Variants in TLN2 observed in about 807,000 individuals in gnomAD.
TLN2 encodes the protein talin-2.
Under a neutral mutation model 294.7 loss-of-function variants are expected in TLN2, and 118 were observed. That is an observed-to-expected ratio of 0.40 (90% CI 0.34 to 0.47). TLN2 has a LOEUF of 0.47. TLN2 is among the 20% of genes least tolerant of loss of function. The probability of loss-of-function intolerance (pLI) is 0.84; values close to 1 mark genes in which losing one functional copy is unlikely to be tolerated. For synonymous variants in TLN2, 1,431 were observed against 1,304.5 expected, an observed-to-expected ratio of 1.10 and a Z score of -2.09; for missense variants, 3,083 against 3,282.2, an observed-to-expected ratio of 0.94 and a Z score of 1.48.
At chr15:62,500,182 A>T (rs1248118328) in intron 1 of TLN2, among the ~76,000 whole-genome samples, 1 of 152,116 alleles carries the variant, frequency 6.6e-6, no homozygotes, top group South Asian at 2.1e-4. Flanking sequence ...ACTAAAAAAT[A>T]CAAAAATTAG....
intron 37 of TLN2, among the ~76,000 whole-genome samples, chr15:62,758,101 T>C (rs1462287191): frequency 1.3e-5 from 2 of 152,186 alleles, no homozygotes; most frequent in Non-Finnish European, 2.9e-5. Context: ...TTTTTTTCTT[T>C]TAACCATGAG....
intron 1 of TLN2, among the ~76,000 whole-genome samples, chr15:62,507,887 C>T (rs1020098720): frequency 6.6e-6 from 1 of 152,154 alleles, no homozygotes; most frequent in Non-Finnish European, 1.5e-5. Context: ...TACCTGAGAA[C>T]GAGATTCATA....
At chr15:62,577,463 C>T (rs887620597) in intron 1 of TLN2, among the ~76,000 whole-genome samples, 1 of 151,582 alleles carries the variant, frequency 6.6e-6, no homozygotes, top group Non-Finnish European at 1.5e-5. Context: ...AACAAAACAA[C>T]AAACAAAAAC....
At position 62,844,124 on chromosome 15, in the gene TLN2, G is replaced by C. The variant is rs1280942638; in HGVS notation, c.*3514G>C. 6.6e-6 allele frequency: 1 copy of C among 152,178 alleles called. No homozygotes were observed. Among genetic ancestry groups the C allele is most frequent in the Non-Finnish European group, 1.5e-5 (1 of 68,106 alleles). The allele number at this position is 152,178 out of a possible 1,614,324, so 9.4% of individuals were successfully genotyped here. A position where few individuals can be genotyped will look rare whatever the true frequency, so the allele number is the denominator to read the frequency against. On this transcript the variant is annotated 3_prime_UTR_variant, in exon 59 of 59. Coordinates refer to ENST00000636159, the MANE Select transcript of TLN2 (RefSeq NM_015059.3). Reference sequence around the variant, plus strand: ...CAGAGTTCAGAAAGCAAAAGATCTTGACAACTGTGCCAGTAGTGGCTCTGG... The same window carrying C: ...CAGAGTTCAGAAAGCAAAAGATCTTCACAACTGTGCCAGTAGTGGCTCTGG...
chr15:62,657,746 G>T (rs770082045), intron 8 of TLN2, 25 bp from the exon 9 acceptor site: 11 of 1,609,436 alleles, frequency 6.8e-6, no homozygotes, highest in Non-Finnish European at 9.3e-6. Flanking sequence ...AGCCTCTGAT[G>T]CTTTTCCTTC....
intron 54 of TLN2, chr15:62,830,085 T>A (rs537738303): frequency 2.6e-5 from 4 of 152,330 alleles, no homozygotes; most frequent in African/African-American, 9.6e-5. Flanking sequence ...AATAGCCACA[T>A]GCACAGGATT....
chr15:62,496,770 G>A (rs545752649), intron 1 of TLN2, among the ~76,000 whole-genome samples: 23 of 152,276 alleles, frequency 1.5e-4, no homozygotes, highest in Admixed American at 7.2e-4. Context: ...AATGTGAATC[G>A]TCTCTGTTAT....
intron 1 of TLN2, among the ~76,000 whole-genome samples, chr15:62,421,311 C>T (rs534543251): frequency 1.4e-4 from 22 of 152,284 alleles, no homozygotes; most frequent in South Asian, 4.1e-4. Flanking sequence ...GCTGAGATTA[C>T]AGGCATGAGT....
intron 1 of TLN2, among the ~76,000 whole-genome samples, chr15:62,491,985 C>A (rs34966036): frequency 0.083 from 12,677 of 151,944 alleles, 594 homozygotes; most frequent in Non-Finnish European, 0.095. Flanking sequence ...TTAGTGGGGG[C>A]GTCTTTTTCT....
intron 1 of TLN2, among the ~76,000 whole-genome samples, chr15:62,450,322 C>T: frequency 6.6e-6 from 1 of 152,202 alleles, no homozygotes; most frequent in East Asian, 1.9e-4. Flanking sequence ...AATCCAGAAG[C>T]TGATGGTGTA....
chr15:62,751,318 T>A (rs1249915204), intron 34 of TLN2, among the ~76,000 whole-genome samples: 1 of 152,186 alleles, frequency 6.6e-6, no homozygotes, highest in Non-Finnish European at 1.5e-5. Context: ...CGGGGAAACA[T>A]CTGTGCTGGT....
intron 9 of TLN2, among the ~76,000 whole-genome samples, chr15:62,663,698 A>G (rs1390278446): frequency 6.6e-6 from 1 of 152,034 alleles, no homozygotes; most frequent in African/African-American, 2.4e-5. Context: ...AGTATAATTT[A>G]CCTAGGAAGA....
At chr15:62,540,652 G>A (rs1455774527) in intron 1 of TLN2, among the ~76,000 whole-genome samples, 1 of 152,152 alleles carries the variant, frequency 6.6e-6, no homozygotes, top group Admixed American at 6.5e-5. Context: ...GTCCAGCATA[G>A]TGGGAGTTTT....
chr15:62,793,424 T>C (rs1047933641), intron 46 of TLN2, among the ~76,000 whole-genome samples: 3 of 152,208 alleles, frequency 2.0e-5, no homozygotes, highest in Non-Finnish European at 2.9e-5. Flanking sequence ...CAACTTGATT[T>C]CCTCATCTGT....
rs147618983 is a variant in TLN2 at position 62,810,044 on chromosome 15, C to G, written c.6771+12C>G. On this transcript the variant is annotated intron_variant, in intron 52 of 58. Transcript: ENST00000636159. ...AGCACGTCTTGGTGGTAAGAAAGCG[C>G]ATGAGTCAGGGCTGGGGAGTAGCTG... is the stretch of plus-strand genomic sequence containing the variant. 6.6e-5 allele frequency: 106 copies of G among 1,608,812 alleles called. No homozygotes were observed. The Middle Eastern group carries it at 9.9e-4, about 15-fold the overall frequency.
At chr15:62,486,365 T>G (rs1344049094) in intron 1 of TLN2, among the ~76,000 whole-genome samples, 1 of 151,926 alleles carries the variant, frequency 6.6e-6, no homozygotes, top group African/African-American at 2.4e-5. Flanking sequence ...ATTCTTCTCC[T>G]GCCCTAGGAT....
intron 1 of TLN2, among the ~76,000 whole-genome samples, chr15:62,491,859 A>T (rs1382157393): frequency 6.6e-6 from 1 of 152,070 alleles, no homozygotes; most frequent in African/African-American, 2.4e-5. Context: ...CCTTCAGTGG[A>T]TGATGTTTTC....
chr15:62,789,623 C>T (rs893306356), intron 45 of TLN2, among the ~76,000 whole-genome samples: 9 of 152,144 alleles, frequency 5.9e-5, no homozygotes, highest in African/African-American at 2.2e-4. Flanking sequence ...AGCTCAAGAG[C>T]GGGTCCTCCC....
At position 62,719,785 on chromosome 15, in the gene TLN2, C is replaced by T. The variant is rs750174235; in HGVS notation, c.2896C>T (p.Pro966Ser). Residue 966 changes from proline (P) to serine (S), a missense_variant, in exon 25 of 59, where the codon CCT becomes TCT. Physicochemically the swap from Pro to Ser is moderately conservative, Grantham distance 74 (BLOSUM62 -1). Coordinates refer to ENST00000636159, the MANE Select transcript of TLN2 (RefSeq NM_015059.3). Reference protein sequence around the residue: ...QSCKAVADHIPQLVQGVRGSQ... With the variant: ...QSCKAVADHISQLVQGVRGSQ... ...TCTGCAGGCAGTGGCTGATCACATC[C>T]CTCAGCTGGTCCAGGGAGTGAGGGG... is the stretch of plus-strand genomic sequence containing the variant. 3.1e-6 allele frequency: 5 copies of T among 1,608,736 alleles called. No homozygotes were observed. Among genetic ancestry groups the T allele is most frequent in the Middle Eastern group, 1.7e-4 (1 of 6,016 alleles).
Sources: allele counts gnomAD v4.1 joint callset (sites outside exome capture counted in the v4.1 genomes callset), GRCh38; gene constraint gnomAD v4.1.1; transcripts MANE v1.5; gene names NCBI Gene and HGNC (gene_info 2026-07-23, HGNC 2026-07-21).